The following EXOC6B variants were observed in gnomAD, a reference collection of about 807,000 sequenced individuals.
The protein encoded by EXOC6B is SEC15 homolog B.
In EXOC6B, 54 loss-of-function variants were observed where a neutral mutation model predicts 113.5. That is an observed-to-expected ratio of 0.48 (90% CI 0.38 to 0.60). The LOEUF is 0.60. Ranked by LOEUF, EXOC6B falls within the 20% of genes least tolerant of loss-of-function variation. The pLI is 0.00. For missense variants in EXOC6B, 797 were observed against 977.5 expected (o/e 0.82, Z 2.46); for synonymous variants, 357 against 339.0 (o/e 1.05, Z -0.58).
intron 7 of EXOC6B, among the ~76,000 whole-genome samples, chr2:72,572,167 C>G (rs548617649): frequency 6.6e-6 from 1 of 152,084 alleles, no homozygotes; most frequent in African/African-American, 2.4e-5. Flanking sequence ...AAGACCCAAA[C>G]ATTCATTTGT....
intron 11 of EXOC6B, among the ~76,000 whole-genome samples, chr2:72,504,836 G>C (rs1700513184): frequency 6.6e-6 from 1 of 152,032 alleles, no homozygotes; most frequent in Non-Finnish European, 1.5e-5. Flanking sequence ...GTTCTAATTT[G>C]CATTTTACCA....
intron 20 of EXOC6B, among the ~76,000 whole-genome samples, chr2:72,224,525 A>G (rs547316123): frequency 6.6e-6 from 1 of 152,350 alleles, no homozygotes; most frequent in African/African-American, 2.4e-5. Context: ...GTAGGGTACA[A>G]GTACTCTTTC....
chr2:72,367,070 A>G (rs1287839755), intron 19 of EXOC6B, among the ~76,000 whole-genome samples: 1 of 152,142 alleles, frequency 6.6e-6, no homozygotes, highest in Non-Finnish European at 1.5e-5. Context: ...TGAGTGTTTA[A>G]AGCAAAGATG....
chr2:72,455,685 T>A (rs1697186931), intron 18 of EXOC6B, among the ~76,000 whole-genome samples: 1 of 152,152 alleles, frequency 6.6e-6, no homozygotes, highest in Non-Finnish European at 1.5e-5. Flanking sequence ...ACTGGGAGAA[T>A]AACAATGTTT....
chr2:72,655,098 C>G (rs2104421136), intron 6 of EXOC6B, among the ~76,000 whole-genome samples: 1 of 152,272 alleles, frequency 6.6e-6, no homozygotes, highest in East Asian at 1.9e-4. Context: ...GGTTTTCCAA[C>G]TTACGTGAGA....
At chr2:72,514,958 C>G (rs1211681937) in intron 9 of EXOC6B, 85 bp downstream of exon 9, 1 of 365,944 alleles carries the variant, frequency 2.7e-6, no homozygotes, top group Non-Finnish European at 4.1e-6. Flanking sequence ...CACACAGACA[C>G]ACACACACAC....
chr2:72,664,232 C>A (rs1675226973), intron 6 of EXOC6B, among the ~76,000 whole-genome samples: 1 of 151,838 alleles, frequency 6.6e-6, no homozygotes, highest in African/African-American at 2.4e-5. Context: ...TGAGAGACAC[C>A]AAAATATTGA....
At chr2:72,446,767 TTAAAA>T (rs1470096759) in intron 18 of EXOC6B, among the ~76,000 whole-genome samples, 2 of 152,118 alleles carry the variant, frequency 1.3e-5, no homozygotes, top group South Asian at 2.1e-4. Flanking sequence ...ACCCCCAAAC[TTAAAA>T]TAAACGTTTT....
chr2:72,686,856 T>C (rs1677124214), intron 6 of EXOC6B, among the ~76,000 whole-genome samples: 1 of 152,092 alleles, frequency 6.6e-6, no homozygotes, highest in South Asian at 2.1e-4. Context: ...AAACCTTCGC[T>C]TCAGCTGGGC....
intron 1 of EXOC6B, among the ~76,000 whole-genome samples, chr2:72,802,082 T>C (rs1331747074): frequency 6.6e-6 from 1 of 152,176 alleles, no homozygotes; most frequent in Non-Finnish European, 1.5e-5. Context: ...CCCAGCACTT[T>C]GGGAGGCCAA....
In EXOC6B at chr2:72,513,266, A is replaced by C. The variant is rs746457066; in HGVS notation, c.1047-14T>G. Reference sequence around the variant, plus strand: ...ACCACAAAAAAGCTAAGATTGAGGAAAAAAGAAAGCACAGCTGTCAGAAAT... The same window carrying C: ...ACCACAAAAAAGCTAAGATTGAGGACAAAAGAAAGCACAGCTGTCAGAAAT... On this transcript the variant is annotated splice_polypyrimidine_tract_variant and intron_variant, in intron 10 of 21. Transcript: ENST00000272427. 5.6e-5 allele frequency: 90 copies of C among 1,612,262 alleles called. 2 individuals carry two copies. The Middle Eastern group carries it at 9.9e-4, about 18-fold the overall frequency.
chr2:72,568,536 T>TACAC (rs1411635672), intron 7 of EXOC6B, among the ~76,000 whole-genome samples: 1 of 151,688 alleles, frequency 6.6e-6, no homozygotes, highest in South Asian at 2.1e-4. Context: ...AACATACACA[T>TACAC]ACACACACAC....
chr2:72,563,995 C>T (rs985688397), intron 7 of EXOC6B, among the ~76,000 whole-genome samples: 1 of 152,088 alleles, frequency 6.6e-6, no homozygotes, highest in Admixed American at 6.6e-5. Context: ...TTTTAAAAGA[C>T]TCACTAGTGA....
chr2:72,508,889 A>G (rs1157767958), intron 11 of EXOC6B, among the ~76,000 whole-genome samples: 1 of 152,214 alleles, frequency 6.6e-6, no homozygotes, highest in African/African-American at 2.4e-5. Context: ...AATTCAAATC[A>G]TATGACCTAG....
At chr2:72,341,605 T>A (rs1689034511) in intron 19 of EXOC6B, among the ~76,000 whole-genome samples, 1 of 152,044 alleles carries the variant, frequency 6.6e-6, no homozygotes, top group Non-Finnish European at 1.5e-5. Flanking sequence ...ATTAAGCAAA[T>A]ATTAACAGAG....
At chr2:72,482,762 A>T (rs1322071051) in intron 16 of EXOC6B, among the ~76,000 whole-genome samples, 3 of 152,202 alleles carry the variant, frequency 2.0e-5, no homozygotes, top group Admixed American at 2.0e-4. Context: ...ATGTCAACTC[A>T]TAAAGACAAT....
intron 6 of EXOC6B, among the ~76,000 whole-genome samples, chr2:72,659,974 A>T (rs990213849): frequency 6.6e-6 from 1 of 152,154 alleles, no homozygotes; most frequent in Admixed American, 6.5e-5. Flanking sequence ...AAACAGCAAA[A>T]GGTCTATCCC....
intron 6 of EXOC6B, among the ~76,000 whole-genome samples, chr2:72,613,821 T>C (rs1671224950): frequency 6.6e-6 from 1 of 151,634 alleles, no homozygotes; most frequent in Non-Finnish European, 1.5e-5. Flanking sequence ...ATAGCTGGGG[T>C]CAGGAAACTA....
intron 20 of EXOC6B, among the ~76,000 whole-genome samples, chr2:72,329,832 A>G (rs1290492331): frequency 2.0e-5 from 3 of 152,122 alleles, no homozygotes; most frequent in East Asian, 1.9e-4. Context: ...CAACATCTCA[A>G]AAGAAACATG....
Sources: gnomAD v4.1 joint callset for allele counts (sites outside exome capture counted in the v4.1 genomes callset) on GRCh38, gnomAD v4.1.1 for gene constraint, MANE v1.5 for transcripts, NCBI Gene and HGNC (gene_info 2026-07-23, HGNC 2026-07-21) for gene names.